SUMF2: variants seen among roughly 807,000 people sequenced by gnomAD.
SUMF2 encodes the protein sulfatase modifying factor 2.
SUMF2 carries 45 observed loss-of-function variants against 44.8 expected under a neutral mutation model. The ratio of observed to expected loss-of-function variants is 1.00; its 90% CI spans 0.79 to 1.29. SUMF2 has a LOEUF of 1.29. Among genes scored for constraint, SUMF2 ranks in the 50% most tolerant of loss-of-function variants. SUMF2 has a pLI of 0.00. For synonymous variants in SUMF2, 148 were observed against 150.4 expected (o/e 0.98, Z 0.12); for missense variants, 418 against 389.9 (o/e 1.07, Z -0.61).
At chr7:56,072,361 G>A (rs770083751) in intron 2 of SUMF2, among the ~76,000 whole-genome samples, 1 of 152,002 alleles carries the variant, frequency 6.6e-6, no homozygotes, top group Admixed American at 6.6e-5. Flanking sequence ...GGGAGGTGGA[G>A]GTTGCAGTGA....
downstream of SUMF2, chr7:56,080,935 C>T (rs1795941594): frequency 8.1e-7 from 1 of 1,239,918 alleles, no homozygotes; most frequent in Non-Finnish European, 1.1e-6. Flanking sequence ...TCCAGGGGTT[C>T]CTGGCCAGGG....
At chr7:56,083,280 C>T (rs751558671), downstream of SUMF2, 13 of 1,613,764 alleles carry the variant, frequency 8.1e-6, 1 homozygote, top group South Asian at 5.5e-5. Context: ...TACCAGACCT[C>T]GCAGCCTCTC....
rs778382389 is a variant in SUMF2, at chr7:56,079,757, C to T, written c.*145C>T. The T allele has an allele frequency of 2.0e-5, 31 of 1,564,320 alleles. No homozygotes were observed. The East Asian group carries it at 5.0e-4, about 25-fold the overall frequency. On this transcript the variant is annotated 3_prime_UTR_variant, in exon 9 of 9. Coordinates refer to ENST00000434526, the MANE Select transcript of SUMF2 (RefSeq NM_015411.4). ...CTGTCTCCCATCCCTCTGTGGCAGG[C>T]GCCTCTCACCAGGGCAGGAGAGGAC...
chr7:56,083,054 C>T (rs544908502), downstream of SUMF2: 710 of 454,868 alleles, frequency 1.6e-3, 6 homozygotes, highest in African/African-American at 0.013. Flanking sequence ...TGCAGTGAGC[C>T]GAGATTGTGC....
chr7:56,076,003 C>T (rs1795514511), intron 5 of SUMF2, among the ~76,000 whole-genome samples: 1 of 150,676 alleles, frequency 6.6e-6, no homozygotes, highest in East Asian at 2.0e-4. Flanking sequence ...CCTGGGATTA[C>T]AGGCACCTGC....
At chr7:56,081,856 G>C, downstream of SUMF2, 6 of 1,611,562 alleles carry the variant, frequency 3.7e-6, no homozygotes, top group Non-Finnish European at 5.1e-6. This position sits in a 1 kb window ranked among gnomAD's most constrained non-coding sequence, Gnocchi z 4.6. Context: ...TGGCATCGCA[G>C]CCCTGAGCCC....
chr7:56,082,041 C>G, downstream of SUMF2: 1 of 1,612,716 alleles, frequency 6.2e-7, no homozygotes, highest in Non-Finnish European at 8.5e-7. Flanking sequence ...GACGCCAGTG[C>G]TCCACCTGGA....
Position 56,064,354 on chromosome 7 carries a change from C to A in SUMF2, c.43C>A (p.Leu15Met). ...GLPLLPLLSL[L>M]VGAWLKLGNG... Reference sequence around the variant, plus strand: ...ACCGCTGCTGCCCCTGCTGTCGCTCCTGGTCGGCGCGTGGCTCAAGCTAGG... The same window carrying A: ...ACCGCTGCTGCCCCTGCTGTCGCTCATGGTCGGCGCGTGGCTCAAGCTAGG... Residue 15 changes from leucine (L) to methionine (M), a missense_variant, in exon 1 of 9, where the codon CTG (leucine) becomes ATG (methionine). Transcript: ENST00000434526. 6.2e-7 allele frequency: 1 copy of A among 1,604,226 alleles called. No individual in the cohort carries two copies. Among genetic ancestry groups the A allele is most frequent in the Non-Finnish European group, 8.5e-7 (1 of 1,175,930 alleles).
chr7:56,081,350 C>T (rs755598642), downstream of SUMF2: 607 of 1,560,602 alleles, frequency 3.9e-4, 2 homozygotes, highest in Middle Eastern at 0.013. This position sits in a 1 kb window ranked among gnomAD's most constrained non-coding sequence, Gnocchi z 4.6. Context: ...CTGCCAGGCC[C>T]TGCCCCTCCA....
chr7:56,075,460 G>A (rs1795471774), intron 5 of SUMF2, among the ~76,000 whole-genome samples: 1 of 152,022 alleles, frequency 6.6e-6, no homozygotes, highest in Non-Finnish European at 1.5e-5. Context: ...ACTTTGGGAG[G>A]CCGAGGTGGG....
At chr7:56,079,045 G>A (rs1344609841) in intron 8 of SUMF2, 4 of 547,446 alleles carry the variant, frequency 7.3e-6, no homozygotes, top group South Asian at 2.6e-5. Flanking sequence ...TACAGGTGCG[G>A]CTAATTTTTG....
chr7:56,074,402 C>G, intron 4 of SUMF2, 184 bp downstream of exon 4: 1 of 988,120 alleles, frequency 1.0e-6, no homozygotes, highest in Non-Finnish European at 1.5e-6. Flanking sequence ...GTTACCCATC[C>G]ATTTCTCCCT....
intron 2 of SUMF2, among the ~76,000 whole-genome samples, chr7:56,070,927 C>G (rs1373962552): frequency 6.6e-6 from 1 of 152,122 alleles, no homozygotes; most frequent in African/African-American, 2.4e-5. Context: ...CTGTATGATT[C>G]AAGTTATATG....
the SUMF2 span, among the ~76,000 whole-genome samples, chr7:56,086,222 T>C: frequency 2.0e-5 from 3 of 151,854 alleles, no homozygotes; most frequent in Non-Finnish European, 4.4e-5. Context: ...TTTATCTGCA[T>C]AGGATATGTT....
At chr7:56,075,144 G>C (rs922508499) in intron 5 of SUMF2, among the ~76,000 whole-genome samples, 8 of 151,482 alleles carry the variant, frequency 5.3e-5, no homozygotes, top group African/African-American at 1.9e-4. Flanking sequence ...GTGTTCCCTA[G>C]AGCAGTGCTT....
chr7:56,080,165 G>A lies in SUMF2; in HGVS notation c.*553G>A, dbSNP rs1268527475. 4 of 333,270 alleles carry A rather than the reference G, an allele frequency of 1.2e-5. No individual in the cohort carries two copies. The highest frequency in any genetic ancestry group is 4.5e-5 in the Admixed American group (1 of 22,248). The allele number at this position is 333,270 out of a possible 1,614,324, so 20.6% of individuals were successfully genotyped here. ...GCACAGTTCAGTCCTAAAAGGGTCT[G>A]GGAGAACCAGATGATGTACTAGGTG... On this transcript the variant is annotated 3_prime_UTR_variant, in exon 9 of 9. Coordinates refer to ENST00000434526, the MANE Select transcript of SUMF2 (RefSeq NM_015411.4).
chr7:56,075,433 A>G (rs1000705531), intron 5 of SUMF2, among the ~76,000 whole-genome samples: 1 of 152,090 alleles, frequency 6.6e-6, no homozygotes, highest in Non-Finnish European at 1.5e-5. Flanking sequence ...GCAGTGGCTC[A>G]CGCCTGTAAT....
intron 4 of SUMF2, 71 bp from the exon 5 acceptor site, chr7:56,074,515 C>A: frequency 6.4e-7 from 1 of 1,566,258 alleles, no homozygotes; most frequent in Non-Finnish European, 8.7e-7. Flanking sequence ...TGAACGCGGG[C>A]GCCCTAAACC....
chr7:56,078,583 C>T (rs1354033484), intron 8 of SUMF2, 75 bp downstream of exon 8: 1 of 1,444,240 alleles, frequency 6.9e-7, no homozygotes, highest in Non-Finnish European at 9.2e-7. Context: ...CCCAGAGTGT[C>T]CCTACCTTCA....
Sources: gnomAD v4.1 joint callset for allele counts (sites outside exome capture counted in the v4.1 genomes callset) on GRCh38, gnomAD v4.1.1 for gene constraint, Gnocchi (gnomAD v3.1) non-coding constraint, MANE v1.5 for transcripts, NCBI Gene and HGNC (gene_info 2026-07-23, HGNC 2026-07-21) for gene names.